The following PCYOX1 variants were observed in gnomAD, a reference collection of about 807,000 sequenced individuals.
The protein encoded by PCYOX1 is prenylcysteine lyase.
A neutral mutation model predicts 46.4 loss-of-function variants in PCYOX1; 46 were observed. That is an observed-to-expected ratio of 0.99 (90% CI 0.78 to 1.27). PCYOX1 has a LOEUF of 1.27. Ranked by LOEUF, PCYOX1 falls within the 50% of genes most tolerant of loss-of-function variation. The probability of loss-of-function intolerance (pLI) is 0.00; values close to 1 mark genes in which losing one functional copy is unlikely to be tolerated. For missense variants in PCYOX1, 658 were observed against 628.3 expected, an observed-to-expected ratio of 1.05 and a Z score of -0.51; for synonymous variants, 220 against 231.8, an observed-to-expected ratio of 0.95 and a Z score of 0.46.
chr2:70,267,660 G>A (rs1037368626), intron 3 of PCYOX1, among the ~76,000 whole-genome samples: 3 of 152,066 alleles, frequency 2.0e-5, no homozygotes, highest in South Asian at 2.1e-4. Flanking sequence ...GTGGCGGCGC[G>A]CGCCTGCAAT....
chr2:70,272,769 A>T (rs974468021), intron 3 of PCYOX1, among the ~76,000 whole-genome samples: 7 of 151,714 alleles, frequency 4.6e-5, no homozygotes, highest in African/African-American at 1.2e-4. Flanking sequence ...TGTGATCTTG[A>T]CTTACTGCAA....
intron 3 of PCYOX1, among the ~76,000 whole-genome samples, chr2:70,273,716 A>G (rs1696631621): frequency 6.6e-6 from 1 of 152,248 alleles, no homozygotes; most frequent in Non-Finnish European, 1.5e-5. Flanking sequence ...GCAACATGAA[A>G]AATTGTGTTT....
upstream of PCYOX1, chr2:70,257,997 G>A: frequency 4.1e-6 from 2 of 490,576 alleles, no homozygotes; most frequent in East Asian, 7.6e-5. Flanking sequence ...GGGAGCTCCT[G>A]CAGGGTTGAG....
chr2:70,275,424 G>T, intron 4 of PCYOX1, 90 bp from the exon 5 acceptor site: 1 of 1,324,088 alleles, frequency 7.6e-7, no homozygotes, highest in Non-Finnish European at 1.1e-6. Context: ...AGAGACATTT[G>T]GAGTAGAACA....
intron 3 of PCYOX1, among the ~76,000 whole-genome samples, chr2:70,268,849 C>A (rs1416894289): frequency 1.3e-5 from 2 of 151,078 alleles, no homozygotes; most frequent in African/African-American, 4.9e-5. Flanking sequence ...TGTGAGGACA[C>A]AGCAAGAAGG....
chr2:70,262,001 G>C lies in PCYOX1; in HGVS notation c.494+615G>C, dbSNP rs556295072. On this transcript the variant is annotated intron_variant, in intron 3 of 5. Transcript: ENST00000433351. Reference sequence around the variant, plus strand: ...TGTTTTGGGTAGTGAGAATTCAGGTGCCTCTTTTTCGTCCTTATGCTTTTC... The same window carrying C: ...TGTTTTGGGTAGTGAGAATTCAGGTCCCTCTTTTTCGTCCTTATGCTTTTC... 7.3e-4 allele frequency among the ~76,000 whole-genome samples: 111 copies of C among 152,242 alleles called. 1 individual carries two copies. In the Middle Eastern group the frequency reaches 0.01, roughly 14 times the overall value.
intron 3 of PCYOX1, among the ~76,000 whole-genome samples, chr2:70,266,554 G>A (rs1696526006): frequency 6.6e-6 from 1 of 151,974 alleles, no homozygotes; most frequent in African/African-American, 2.4e-5. Flanking sequence ...TGGAGGGAAG[G>A]TCAGCGGATA....
intron 4 of PCYOX1, 69 bp downstream of exon 4, chr2:70,275,239 C>A (rs1696654096): frequency 2.3e-6 from 3 of 1,318,736 alleles, no homozygotes; most frequent in East Asian, 4.6e-5. Context: ...TATGGTGGTT[C>A]CTGACTTTAG....
rs1416748476 is a variant in PCYOX1 at position 70,277,506 on chromosome 2, A to G, written c.*114A>G. On this transcript the variant is annotated 3_prime_UTR_variant, in exon 6 of 6. Coordinates refer to ENST00000433351, the MANE Select transcript of PCYOX1 (RefSeq NM_016297.4). ...GATATTTTGCCATTATCATTGTTTA[A>G]TAAAAGTAATCCCTGCTGGTCATAG... 2 of 832,590 alleles carry G rather than the reference A, an allele frequency of 2.4e-6. No homozygotes were observed. 51.6% of individuals were successfully genotyped at this position (832,590 alleles called of 1,614,324 possible). A position where few individuals can be genotyped will look rare whatever the true frequency, so the allele number is the denominator to read the frequency against.
rs1040943054 is a variant in PCYOX1 at position 70,275,384 on chromosome 2, T to A, written c.707-130T>A. 6.1e-6 allele frequency: 6 copies of A among 986,552 alleles called. No individual in the cohort carries two copies. The Admixed American group carries it at 1.2e-4, about 19-fold the overall frequency. 61.1% of individuals were successfully genotyped at this position (986,552 alleles called of 1,614,324 possible). On this transcript the variant is annotated intron_variant, in intron 4 of 5. Transcript: ENST00000433351. ...TCAGTAATTCTTAACTGGGGGAGATTTTGCTCCCAGGGGCCATTTAGCAAT... is the reference window on the plus strand; with the variant it reads ...TCAGTAATTCTTAACTGGGGGAGATATTGCTCCCAGGGGCCATTTAGCAAT...
intron 1 of PCYOX1, 184 bp downstream of exon 1, chr2:70,258,460 A>G (rs907347357): frequency 2.6e-6 from 1 of 384,856 alleles, no homozygotes; most frequent in Non-Finnish European, 4.7e-6. Flanking sequence ...TCGGAATAGG[A>G]CTGTGCATTC....
Position 70,277,019 on chromosome 2 carries a change from G to A in PCYOX1, c.1145G>A (p.Ser382Asn), listed in dbSNP as rs1696681295. 1 of 1,613,850 alleles carries A rather than the reference G, an allele frequency of 6.2e-7. No individual in the cohort carries two copies. The highest frequency in any genetic ancestry group is 1.7e-5 in the Admixed American group (1 of 59,998). The change falls in exon 6 of 6, where the codon AGT (serine) becomes AAT (asparagine). Residue 382 changes from serine to asparagine, a missense_variant. Physicochemically the swap from Ser to Asn is conservative, Grantham distance 46. Coordinates refer to ENST00000433351, the MANE Select transcript of PCYOX1 (RefSeq NM_016297.4). The part of the protein sequence containing the change: ...TTDNSDLFIN[S>N]IGIVPSVREK... ...GATAATTCAGATTTGTTCATTAACA[G>A]TATTGGGATTGTGCCCTCTGTGAGA...
In PCYOX1 at chr2:70,258,290, G is replaced by A; in HGVS notation, c.112+14G>A. The A allele has an allele frequency of 1.3e-6, 2 of 1,546,976 alleles. No individual in the cohort carries two copies. Among genetic ancestry groups the A allele is most frequent in the Non-Finnish European group, 1.7e-6 (2 of 1,147,920 alleles). On this transcript the variant is annotated intron_variant, in intron 1 of 5. Coordinates refer to ENST00000433351, the MANE Select transcript of PCYOX1 (RefSeq NM_016297.4). ...CAGATAAAATCGGTAGGCGAGAAGG[G>A]GGCGGCGCGGGAAGGTGCTGGAGCG...
chr2:70,276,709 A>G, intron 5 of PCYOX1, 25 bp from the exon 6 acceptor site: 2 of 1,403,498 alleles, frequency 1.4e-6, no homozygotes, highest in Non-Finnish European at 2.0e-6. Context: ...CACTAAACAA[A>G]TATATGCCTC....
At position 70,261,270 on chromosome 2, in the gene PCYOX1, G is replaced by A. The variant is rs1443599283; in HGVS notation, c.378G>A (p.Leu126=). The change falls in exon 3 of 6, where the codon CTG becomes CTA. Residue 126 remains leucine (L), a synonymous_variant. Coordinates refer to ENST00000433351, the MANE Select transcript of PCYOX1 (RefSeq NM_016297.4). The stretch of plus-strand genomic sequence containing the variant: ...TGGGGATATATAATGGAGAGACTCT[G>A]GTATTTGAGGAGAGCAACTGGTTCA... ...GLLGIYNGET[L]VFEESNWFII... 1.2e-6 allele frequency: 2 copies of A among 1,610,474 alleles called. No homozygotes were observed. The highest frequency in any genetic ancestry group is 1.3e-5 in the African/African-American group (1 of 74,852).
intron 2 of PCYOX1, among the ~76,000 whole-genome samples, chr2:70,260,714 G>A (rs1282627866): frequency 6.6e-6 from 1 of 152,206 alleles, no homozygotes; most frequent in Admixed American, 6.5e-5. Context: ...TGTAACTTTG[G>A]CCTCCTTCCA....
At chr2:70,271,236 T>A (rs947600583) in intron 3 of PCYOX1, among the ~76,000 whole-genome samples, 13 of 129,866 alleles carry the variant, frequency 1.0e-4, no homozygotes, top group African/African-American at 4.8e-4. Flanking sequence ...CCTGGCTAAT[T>A]TTTTTTTTTT....
chr2:70,259,216 G>T, intron 1 of PCYOX1, 144 bp from the exon 2 acceptor site: 1 of 690,642 alleles, frequency 1.4e-6, no homozygotes, highest in Admixed American at 2.5e-5. Context: ...TTAGACCTTC[G>T]CTGCAGGTGT....
chr2:70,262,885 A>AAAAACAAAACAAAAC (rs111754898), intron 3 of PCYOX1, among the ~76,000 whole-genome samples: 39 of 152,016 alleles, frequency 2.6e-4, no homozygotes, highest in African/African-American at 5.3e-4. Flanking sequence ...TCTTGAGGGG[A>AAAAACAAAACAAAAC]AAAACAAAAC....
Sources: allele counts gnomAD v4.1 joint callset (sites outside exome capture counted in the v4.1 genomes callset), GRCh38; gene constraint gnomAD v4.1.1; transcripts MANE v1.5; gene names NCBI Gene and HGNC (gene_info 2026-07-23, HGNC 2026-07-21).